The following GAN variants were observed in gnomAD, a reference collection of about 807,000 sequenced individuals.
GAN encodes epididymis secretory sperm binding protein.
GAN carries 48 observed loss-of-function variants against 71.3 expected under a neutral mutation model. The ratio of observed to expected loss-of-function variants is 0.67; its 90% confidence interval spans 0.53 to 0.86. The LOEUF (loss-of-function observed/expected upper bound fraction) is 0.86, where lower values mean the gene tolerates loss of function less well. Among genes scored for constraint, GAN ranks in the 40% least tolerant of loss-of-function variants. The pLI, the probability that GAN is intolerant of heterozygous loss-of-function variation, is 0.00. For synonymous variants in GAN, 386 were observed against 276.8 expected, an observed-to-expected ratio of 1.39 and a Z score of -3.92; for missense variants, 928 against 770.1, an observed-to-expected ratio of 1.21 and a Z score of -2.43.
chr16:81,346,483 G>T (rs1322375904), intron 1 of GAN, among the ~76,000 whole-genome samples: 1 of 152,208 alleles, frequency 6.6e-6, no homozygotes, highest in Admixed American at 6.5e-5. Flanking sequence ...TGTCAGATCA[G>T]TGGTGGCATT....
intron 1 of GAN, among the ~76,000 whole-genome samples, chr16:81,330,284 G>A (rs1234280567): frequency 1.3e-5 from 2 of 152,184 alleles, no homozygotes; most frequent in Admixed American, 1.3e-4. Flanking sequence ...TATCTCCAGA[G>A]ACAAGGCTGA....
chr16:81,365,624 A>G, intron 9 of GAN, 146 bp downstream of exon 9: 2 of 807,036 alleles, frequency 2.5e-6, no homozygotes, highest in East Asian at 5.0e-5. Flanking sequence ...ATATTTATTC[A>G]GTGACTTCAC....
At chr16:81,331,510 A>T (rs28687514) in intron 1 of GAN, among the ~76,000 whole-genome samples, 1 of 152,240 alleles carries the variant, frequency 6.6e-6, no homozygotes, top group African/African-American at 2.4e-5. Context: ...AAACTTTTTT[A>T]AAAATCTTAA....
intron 1 of GAN, among the ~76,000 whole-genome samples, chr16:81,350,755 G>C (rs191253707): frequency 6.6e-6 from 1 of 152,276 alleles, no homozygotes; most frequent in Non-Finnish European, 1.5e-5. Flanking sequence ...CTGGCCTCAA[G>C]TGAGCTACCC....
At chr16:81,317,282 C>G (rs957329401) in intron 1 of GAN, among the ~76,000 whole-genome samples, 2 of 152,214 alleles carry the variant, frequency 1.3e-5, no homozygotes, top group Non-Finnish European at 2.9e-5. Flanking sequence ...AAAATTGGCA[C>G]CATCACATTT....
At chr16:81,348,731 T>G (rs1181731729) in intron 1 of GAN, among the ~76,000 whole-genome samples, 1 of 152,216 alleles carries the variant, frequency 6.6e-6, no homozygotes, top group African/African-American at 2.4e-5. Context: ...CCCTATAGGT[T>G]AGACTTGTTG....
At chr16:81,326,219 CG>C (rs1909381171) in intron 1 of GAN, among the ~76,000 whole-genome samples, 1 of 152,136 alleles carries the variant, frequency 6.6e-6, no homozygotes, top group African/African-American at 2.4e-5. Context: ...AACTTTCATA[CG>C]TAAGATAATT....
At chr16:81,358,267 G>A (rs1910557283) in intron 5 of GAN, among the ~76,000 whole-genome samples, 1 of 152,154 alleles carries the variant, frequency 6.6e-6, no homozygotes, top group African/African-American at 2.4e-5. Flanking sequence ...CACCATGGTA[G>A]TCCCATCTTT....
chr16:81,352,817 A>G (rs989443005), intron 2 of GAN, among the ~76,000 whole-genome samples: 8 of 152,212 alleles, frequency 5.3e-5, no homozygotes, highest in Non-Finnish European at 1.2e-4. Flanking sequence ...GATGCTCTGT[A>G]GCATCACATA....
chr16:81,344,610 C>T (rs1597397040), intron 1 of GAN, among the ~76,000 whole-genome samples: 1 of 152,266 alleles, frequency 6.6e-6, no homozygotes, highest in East Asian at 1.9e-4. Context: ...AAAATCAACT[C>T]AAGATGGATC....
At chr16:81,349,528 C>T (rs9930019) in intron 1 of GAN, among the ~76,000 whole-genome samples, 1,928 of 152,128 alleles carry the variant, frequency 0.013, 48 homozygotes, top group African/African-American at 0.044. Flanking sequence ...CCTGTAGTTC[C>T]GGCTACTTGG....
At chr16:81,333,133 T>C (rs1909642881) in intron 1 of GAN, among the ~76,000 whole-genome samples, 1 of 151,720 alleles carries the variant, frequency 6.6e-6, no homozygotes, top group African/African-American at 2.4e-5. Context: ...TCTCAGCTAC[T>C]TGGGAGGCTG....
intron 9 of GAN, among the ~76,000 whole-genome samples, chr16:81,366,900 C>T (rs1394963900): frequency 6.6e-6 from 1 of 152,134 alleles, no homozygotes; most frequent in African/African-American, 2.4e-5. Context: ...TCTCGGCTTA[C>T]TGCACCATCT....
At chr16:81,339,269 T>G (rs184699802) in intron 1 of GAN, among the ~76,000 whole-genome samples, 4 of 152,334 alleles carry the variant, frequency 2.6e-5, no homozygotes, top group Non-Finnish European at 5.9e-5. Context: ...AGTTCCCAGT[T>G]GAATTGTATG....
rs747581603 is a variant in GAN, at chr16:81,326,238, T to A, written c.167+10958T>A. On this transcript the variant is annotated intron_variant, in intron 1 of 10. Coordinates refer to ENST00000648994, the MANE Select transcript of GAN (RefSeq NM_022041.4). ...TTCATACGTAAGATAATTGAGTTGG[T>A]TGGGTGCCGTGGCTCAAGCCTATAA... 2.0e-5 allele frequency among the ~76,000 whole-genome samples: 3 copies of A among 152,158 alleles called. No individual in the cohort carries two copies. The East Asian group carries it at 5.8e-4, about 29-fold the overall frequency.
chr16:81,374,900 G>T (rs1411041255), intron 9 of GAN, among the ~76,000 whole-genome samples: 2 of 152,170 alleles, frequency 1.3e-5, no homozygotes, highest in African/African-American at 4.8e-5. Context: ...AATGGTGCTG[G>T]AACAGCTAGC....
Position 81,354,723 on chromosome 16 carries a change from C to G in GAN, c.601C>G (p.Arg201Gly). 1.9e-6 allele frequency: 3 copies of G among 1,602,104 alleles called. No individual in the cohort carries two copies. Among genetic ancestry groups the G allele is most frequent in the Non-Finnish European group, 2.6e-6 (3 of 1,169,096 alleles). Residue 201 changes from arginine to glycine, a missense_variant, in exon 3 of 11, where the codon CGA (arginine) becomes GGA (glycine). By Grantham distance (125) the Arg-to-Gly change is moderately radical. Transcript: ENST00000648994. The stretch of plus-strand genomic sequence containing the variant: ...AAGATATGTCTTTGAAGCAGTAATT[C>G]GATGGATAGCACATGATACAGAAAT... ...NERYVFEAVIRWIAHDTEIRK... is the reference protein window; with the variant it reads ...NERYVFEAVIGWIAHDTEIRK...
Position 81,365,030 on chromosome 16 carries a change from C to T in GAN, c.1293C>T (p.Tyr431=), listed in dbSNP as rs2608555. The T allele has an allele frequency of 0.23, 363,192 of 1,612,604 alleles. 43,257 individuals are homozygous for T. Among genetic ancestry groups the T allele is most frequent in the Non-Finnish European group, 0.25 (291,161 of 1,178,784 alleles). The change falls in exon 8 of 11, where the codon TAC becomes TAT. Residue 431 remains tyrosine, a synonymous_variant. Transcript: ENST00000648994. Reference sequence around the variant, plus strand: ...TCTACGCCATGGGTGGAGGCTCCTACGGAAAGCTTTTTGAGTCTGTAGAGT... The same window carrying T: ...TCTACGCCATGGGTGGAGGCTCCTATGGAAAGCTTTTTGAGTCTGTAGAGT... The part of the protein sequence containing the change: ...KKIYAMGGGS[Y]GKLFESVECY...
rs372156379 is a variant in GAN, at chr16:81,345,145, T to C, written c.168-6438T>C. On this transcript the variant is annotated intron_variant, in intron 1 of 10. Transcript: ENST00000648994. ...TGGAAAAATAGGAACACTTTTACACTGTTGGTGGTAGTGTAAATTAGTTCA... is the reference window on the plus strand; with the variant it reads ...TGGAAAAATAGGAACACTTTTACACCGTTGGTGGTAGTGTAAATTAGTTCA... Among the ~76,000 whole-genome samples the C allele has an allele frequency of 2.6e-5, 4 of 152,300 alleles. No homozygotes were observed. The East Asian group carries it at 5.8e-4, about 22-fold the overall frequency.
Sources: allele counts gnomAD v4.1 joint callset (sites outside exome capture counted in the v4.1 genomes callset), GRCh38; gene constraint gnomAD v4.1.1; transcripts MANE v1.5; gene names NCBI Gene and HGNC (gene_info 2026-07-23, HGNC 2026-07-21).